Variants in ERCC2 observed in about 807,000 individuals in gnomAD.
The protein encoded by ERCC2 is general transcription and DNA repair factor IIH helicase subunit XPD.
ERCC2 carries 90 observed loss-of-function variants against 99.4 expected under a neutral mutation model. The ratio of observed to expected loss-of-function variants is 0.91; its 90% CI spans 0.76 to 1.08. The LOEUF (loss-of-function observed/expected upper bound fraction) is 1.08, where lower values mean the gene tolerates loss of function less well. Ranked by LOEUF, ERCC2 falls within the 50% of genes least tolerant of loss-of-function variation. The probability of loss-of-function intolerance (pLI) is 0.00; values close to 1 mark genes in which losing one functional copy is unlikely to be tolerated. For synonymous variants in ERCC2, 497 were observed against 432.4 expected, an observed-to-expected ratio of 1.15 and a Z score of -1.85; for missense variants, 993 against 1,038.1, an observed-to-expected ratio of 0.96 and a Z score of 0.60.
At chr19:45,364,645 C>G (rs967090634) in intron 7 of ERCC2, 98 bp from the exon 8 acceptor site, 11 of 1,534,640 alleles carry the variant, frequency 7.2e-6, no homozygotes, top group Middle Eastern at 2.3e-4. Context: ...CAGGCCTGCA[C>G]AGGCAGACAC....
At chr19:45,366,355 TG>T (rs1350938454) in intron 5 of ERCC2, among the ~76,000 whole-genome samples, 6 of 152,112 alleles carry the variant, frequency 3.9e-5, no homozygotes, top group African/African-American at 1.4e-4. Context: ...TTGATCAAGC[TG>T]GTCTCGAACT....
At chr19:45,368,887 AG>A (rs1377948053) in intron 4 of ERCC2, 42 bp downstream of exon 4, 3 of 1,607,662 alleles carry the variant, frequency 1.9e-6, no homozygotes, top group African/African-American at 2.7e-5. Context: ...AATAGGGCCT[AG>A]GGAACAGTGG....
chr19:45,351,771 C>G, intron 22 of ERCC2, 50 bp from the exon 23 acceptor site: 1 of 1,554,532 alleles, frequency 6.4e-7, no homozygotes, highest in Non-Finnish European at 8.9e-7. Context: ...GGCAGGGGCC[C>G]AGGCAGCTGC....
chr19:45,361,804 T>C (rs886561141), intron 11 of ERCC2, 162 bp from the exon 12 acceptor site: 5 of 675,986 alleles, frequency 7.4e-6, no homozygotes, highest in African/African-American at 7.1e-5. Context: ...ACCCCCACGC[T>C]GTACACCTGC....
rs1440327008 is a variant in ERCC2, at chr19:45,361,521, T to C, written c.1237+3A>G. The C allele has an allele frequency of 1.9e-6, 3 of 1,603,816 alleles. No homozygotes were observed. The highest frequency in any genetic ancestry group is 2.7e-5 in the African/African-American group (2 of 74,712). On this transcript the variant is annotated splice_donor_region_variant and intron_variant, in intron 12 of 22. Transcript: ENST00000391945. ...CAGCAGGGACAGAAAAAGGTGAGCT[T>C]ACCTTTGGCGTAGGTGCTGACAAGG...
At chr19:45,367,565 T>C (rs529026622) in intron 5 of ERCC2, among the ~76,000 whole-genome samples, 7 of 151,030 alleles carry the variant, frequency 4.6e-5, no homozygotes, top group African/African-American at 1.7e-4. Flanking sequence ...TTGCCCAGGC[T>C]GGAGTGCAGT....
At chr19:45,361,974 T>G (rs1006680777) in intron 11 of ERCC2, 1 of 332,342 alleles carries the variant, frequency 3.0e-6, no homozygotes, top group African/African-American at 2.1e-5. Context: ...TCTTGCCCTG[T>G]CATCCAGGCT....
chr19:45,368,618 ACAGGTGCT>A lies in ERCC2; in HGVS notation c.360+4_360+11del. ...TCTGGGCTAAGGGCAAGGAGAAGGAACAGGTGCTCACCTCAGGGTGAATACACAAGTTT... is the reference window on the plus strand; with the variant it reads ...TCTGGGCTAAGGGCAAGGAGAAGGAACACCTCAGGGTGAATACACAAGTTT... On this transcript the variant is annotated splice_donor_5th_base_variant and intron_variant, in intron 5 of 22. Coordinates refer to ENST00000391945, the MANE Select transcript of ERCC2 (RefSeq NM_000400.4). 1 of 1,558,208 alleles carries A rather than the reference ACAGGTGCT, an allele frequency of 6.4e-7. No homozygotes were observed. Among genetic ancestry groups the A allele is most frequent in the Non-Finnish European group, 8.9e-7 (1 of 1,128,964 alleles).
rs147118457 is a variant in ERCC2, at chr19:45,364,666, G to T, written c.595-119C>A. The T allele has an allele frequency of 7.9e-5, 117 of 1,482,812 alleles. No homozygotes were observed. The African/African-American group carries it at 1.6e-3, about 20-fold the overall frequency. The allele number at this position is 1,482,812 out of a possible 1,614,324, so 91.9% of individuals were successfully genotyped here. ...TGCACAGGCAGACACAGGCCAGGCA[G>T]AAGTATGAGCAGATGGATAGAGACA... On this transcript the variant is annotated intron_variant, in intron 7 of 22. Coordinates refer to ENST00000391945, the MANE Select transcript of ERCC2 (RefSeq NM_000400.4).
At chr19:45,352,985 G>T (rs371832904) in intron 19 of ERCC2, 98 bp downstream of exon 19, 2 of 1,369,022 alleles carry the variant, frequency 1.5e-6, no homozygotes, top group South Asian at 1.2e-5. Context: ...ACCTAGGCTG[G>T]GGGTGGGTGG....
At position 45,367,267 on chromosome 19, in the gene ERCC2, G is replaced by A. The variant is rs141819046; in HGVS notation, c.360+1363C>T. 4.1e-3 allele frequency among the ~76,000 whole-genome samples: 619 copies of A among 151,984 alleles called. 2 individuals are homozygous for A. Among genetic ancestry groups the A allele is most frequent in the South Asian group, 0.018 (87 of 4,816 alleles). ...GGAGAATTGCTTGAACCCGGGAGGCGGAGCTTGTAGTAAGCCAAGATCACT... is the reference window on the plus strand; with the variant it reads ...GGAGAATTGCTTGAACCCGGGAGGCAGAGCTTGTAGTAAGCCAAGATCACT... On this transcript the variant is annotated intron_variant, in intron 5 of 22. Transcript: ENST00000391945.
Position 45,350,431 on chromosome 19 carries a change from G to C in ERCC2, c.*1198C>G, listed in dbSNP as rs373031387. ...CAAGGAGGACCTACCCGCCCCTCTCGGTGAGCCCCTAGCCCCTGTCTGTCT... is the reference window on the plus strand; with the variant it reads ...CAAGGAGGACCTACCCGCCCCTCTCCGTGAGCCCCTAGCCCCTGTCTGTCT... On this transcript the variant is annotated 3_prime_UTR_variant, in exon 23 of 23. Coordinates refer to ENST00000391945, the MANE Select transcript of ERCC2 (RefSeq NM_000400.4). The C allele has an allele frequency of 9.3e-6, 15 of 1,612,278 alleles. No homozygotes were observed. Among genetic ancestry groups the C allele is most frequent in the African/African-American group, 1.3e-5 (1 of 74,780 alleles).
chr19:45,359,219 G>A (rs573209238), intron 12 of ERCC2, among the ~76,000 whole-genome samples: 4 of 152,136 alleles, frequency 2.6e-5, no homozygotes, highest in Non-Finnish European at 2.9e-5. Context: ...GGTGGTTGGG[G>A]GATGAGGAAG....
intron 4 of ERCC2, 52 bp downstream of exon 4, chr19:45,368,878 A>G: frequency 1.2e-6 from 2 of 1,602,994 alleles, no homozygotes; most frequent in South Asian, 1.1e-5. Flanking sequence ...AGGGGGACCA[A>G]TAGGGCCTAG....
chr19:45,355,902 G>C (rs917786978), intron 15 of ERCC2, among the ~76,000 whole-genome samples, 174 bp from the exon 16 acceptor site: 16 of 148,494 alleles, frequency 1.1e-4, no homozygotes, highest in African/African-American at 3.2e-4. Context: ...TGACCATCCC[G>C]CCTTGGCCTC....
At chr19:45,369,626 G>C (rs759541318) in intron 2 of ERCC2, among the ~76,000 whole-genome samples, 23 of 152,202 alleles carry the variant, frequency 1.5e-4, no homozygotes, top group African/African-American at 4.8e-4. Flanking sequence ...TATGAGGATT[G>C]TGAGAAATTG....
At position 45,350,557 on chromosome 19, in the gene ERCC2, G is replaced by T. The variant is rs1179702916; in HGVS notation, c.*1072C>A. 2 of 1,613,862 alleles carry T rather than the reference G, an allele frequency of 1.2e-6. No homozygotes were observed. Among genetic ancestry groups the T allele is most frequent in the East Asian group, 2.2e-5 (1 of 44,858 alleles). ...CAGCTGGTGACGCAGAACAGGTGAG[G>T]ATGGGCTGTGCTTCGGCTCCTGGGG... On this transcript the variant is annotated 3_prime_UTR_variant, in exon 23 of 23. Coordinates refer to ENST00000391945, the MANE Select transcript of ERCC2 (RefSeq NM_000400.4).
At chr19:45,362,572 T>A (rs1458062296) in intron 11 of ERCC2, among the ~76,000 whole-genome samples, 4 of 152,204 alleles carry the variant, frequency 2.6e-5, no homozygotes, top group Admixed American at 2.6e-4. Context: ...CTCCCGCACG[T>A]CAGCCCTCCC....
intron 22 of ERCC2, among the ~76,000 whole-genome samples, 200 bp from the exon 23 acceptor site, chr19:45,351,921 A>T (rs1388084011): frequency 1.3e-5 from 2 of 152,164 alleles, no homozygotes; most frequent in Non-Finnish European, 2.9e-5. Flanking sequence ...AGGGAGTCGG[A>T]GAAGGACCGG....
Sources: gnomAD v4.1 joint callset for allele counts (sites outside exome capture counted in the v4.1 genomes callset) on GRCh38, gnomAD v4.1.1 for gene constraint, MANE v1.5 for transcripts, NCBI Gene and HGNC (gene_info 2026-07-23, HGNC 2026-07-21) for gene names.